PTPRS: variants seen among roughly 807,000 people sequenced by gnomAD.
The protein encoded by PTPRS is receptor-type tyrosine-protein phosphatase S.
A neutral mutation model predicts 215.3 loss-of-function variants in PTPRS; 63 were observed. The ratio of observed to expected loss-of-function variants is 0.29; its 90% CI spans 0.24 to 0.36. PTPRS has a LOEUF of 0.36. PTPRS is among the 10% of genes least tolerant of loss of function. PTPRS has a pLI of 1.00. For synonymous variants in PTPRS, 1,404 were observed against 1,191.4 expected (o/e 1.18, Z -3.68); for missense variants, 2,258 against 2,825.8 (o/e 0.80, Z 4.56).
At chr19:5,300,068 C>G (rs1468716546) in intron 1 of PTPRS, among the ~76,000 whole-genome samples, 2 of 151,476 alleles carry the variant, frequency 1.3e-5, no homozygotes, top group East Asian at 3.9e-4. Context: ...TGGCAAAACC[C>G]CATCTCTACT....
At position 5,206,307 on chromosome 19, in the gene PTPRS, T is replaced by C. The variant is rs1272299401; in HGVS notation, c.*467A>G. 4.4e-6 allele frequency: 1 copy of C among 226,814 alleles called. No homozygotes were observed. The highest frequency in any genetic ancestry group is 8.7e-6 in the Non-Finnish European group (1 of 114,716). 14.1% of individuals were successfully genotyped at this position (226,814 alleles called of 1,614,324 possible). A position where few individuals can be genotyped will look rare whatever the true frequency, so the allele number is the denominator to read the frequency against. The stretch of plus-strand genomic sequence containing the variant: ...TTAAAAAAAATGAAATGTCACGGGA[T>C]ACAGTTACACTGAGAGTTTTAAAAG... On this transcript the variant is annotated 3_prime_UTR_variant, in exon 38 of 38. Coordinates refer to ENST00000262963, the MANE Select transcript of PTPRS (RefSeq NM_002850.4).
In PTPRS at chr19:5,273,525, G is replaced by A. The variant is rs760964676; in HGVS notation, c.296C>T (p.Pro99Leu). ...ACACTCGTACACGTTTTCATCCCGC[G>A]GTGTCCTCAGCGGCTGGATCCTCAG... Reference protein sequence around the residue: ...AVLRIQPLRTPRDENVYECVA... With the variant: ...AVLRIQPLRTLRDENVYECVA... The change falls in exon 4 of 38, where the codon CCG (proline) becomes CTG (leucine). Residue 99 changes from proline to leucine, a missense_variant. By Grantham distance (98) the Pro-to-Leu change is moderately conservative (BLOSUM62 -3). Around this residue, in one of 6 missense-constraint regions of PTPRS, gnomAD observed 508 missense variants for 799.4 expected, o/e 0.64. Transcript: ENST00000262963. 6.2e-7 allele frequency: 1 copy of A among 1,614,134 alleles called. No individual in the cohort carries two copies. Among genetic ancestry groups the A allele is most frequent in the East Asian group, 2.2e-5 (1 of 44,876 alleles).
In PTPRS at chr19:5,339,203, A is replaced by G. The variant is rs2050605883; in HGVS notation, c.-95+1461T>C. On this transcript the variant is annotated intron_variant, in intron 1 of 37. Transcript: ENST00000262963. The surrounding 1 kb of genome is among the most constrained non-coding windows in gnomAD (Gnocchi z 4.2). ...CCCCTAGATTGTGACGGGGGGGGAC[A>G]GGGGAATCCCAGCTGAGCCCAGAAG... 1.3e-5 allele frequency among the ~76,000 whole-genome samples: 2 copies of G among 151,952 alleles called. No individual in the cohort carries two copies. The highest frequency in any genetic ancestry group is 2.9e-5 in the Non-Finnish European group (2 of 67,966).
At chr19:5,319,432 T>TA (rs1422171885) in intron 1 of PTPRS, among the ~76,000 whole-genome samples, 276 of 146,654 alleles carry the variant, frequency 1.9e-3, no homozygotes, top group Non-Finnish European at 3.4e-3. Flanking sequence ...TTTTTTTTTT[T>TA]TAAAAAGCTA....
chr19:5,306,836 T>C (rs933581289), intron 1 of PTPRS, among the ~76,000 whole-genome samples: 3 of 152,170 alleles, frequency 2.0e-5, no homozygotes, highest in African/African-American at 7.2e-5. Context: ...GAGGAGACAA[T>C]TGGCTATTAT....
chr19:5,264,023 T>C (rs1005678376), intron 5 of PTPRS, among the ~76,000 whole-genome samples: 1 of 152,170 alleles, frequency 6.6e-6, no homozygotes, highest in Non-Finnish European at 1.5e-5. Flanking sequence ...AGATGGGCCA[T>C]GTGGGTGCTT....
In PTPRS at chr19:5,238,900, G is replaced by A. The variant is rs765551956; in HGVS notation, c.1849+19C>T. ...CGTGGTCCCTCCCGCAGAGAAGGGC[G>A]GCCCCGCGAGACACCTACTGGACTG... On this transcript the variant is annotated intron_variant, in intron 13 of 37. Transcript: ENST00000262963. The A allele has an allele frequency of 8.9e-6, 14 of 1,571,002 alleles. No homozygotes were observed. The highest frequency in any genetic ancestry group is 2.3e-5 in the South Asian group (2 of 86,612).
chr19:5,225,715 C>G lies in PTPRS; in HGVS notation c.2494+12G>C, dbSNP rs182639537. ...GGGCTGTTGGTGGGTGGGAGGAGGG[C>G]GGGTTGCATACCTGCTCCCTTGGTC... On this transcript the variant is annotated intron_variant, in intron 17 of 37. Transcript: ENST00000262963. The G allele has an allele frequency of 6.2e-7, 1 of 1,603,646 alleles. No individual in the cohort carries two copies. The highest frequency in any genetic ancestry group is 8.5e-7 in the Non-Finnish European group (1 of 1,171,486).
chr19:5,314,632 CT>C (rs2049813357), intron 1 of PTPRS, among the ~76,000 whole-genome samples: 1 of 152,052 alleles, frequency 6.6e-6, no homozygotes, highest in Non-Finnish European at 1.5e-5. Context: ...TCATGTGATC[CT>C]CCTGCCTTGG....
rs908259585 is a variant in PTPRS at position 5,216,765 on chromosome 19, A to C, written c.4051T>G (p.Ser1351Ala). The change falls in exon 26 of 38, where the codon TCA becomes GCA. Residue 1351 changes from serine (S) to alanine (A), a missense_variant and splice_region_variant. By Grantham distance (99) the Ser-to-Ala change is moderately conservative. Around this residue, in one of 6 missense-constraint regions of PTPRS, gnomAD observed 927 missense variants for 1,125.9 expected, o/e 0.82. Transcript: ENST00000262963. ...TCCCTGAGGGGGCTCCTGAGGCCTG[A>C]ATCTGCAAACAGCAAACAATAAATA... ...MRRINFQTPDSGLRSPLREPG... is the reference protein window; with the variant it reads ...MRRINFQTPDAGLRSPLREPG... The C allele has an allele frequency of 1.9e-6, 3 of 1,567,348 alleles. No individual in the cohort carries two copies. The highest frequency in any genetic ancestry group is 2.6e-6 in the Non-Finnish European group (3 of 1,153,710).
At chr19:5,262,185 G>A (rs143159560) in intron 6 of PTPRS, among the ~76,000 whole-genome samples, 2 of 152,176 alleles carry the variant, frequency 1.3e-5, no homozygotes, top group Non-Finnish European at 2.9e-5. Flanking sequence ...TGAGGCAGGA[G>A]AATTGCTTGA....
chr19:5,240,888 CAT>C (rs1491403625), intron 11 of PTPRS, among the ~76,000 whole-genome samples: 16 of 118,842 alleles, frequency 1.3e-4, no homozygotes, highest in African/African-American at 3.7e-4. Context: ...AAATCCCCTT[CAT>C]TTTTTTTTTT....
chr19:5,296,346 A>T (rs1233508286), intron 1 of PTPRS, among the ~76,000 whole-genome samples: 1 of 152,054 alleles, frequency 6.6e-6, no homozygotes, highest in African/African-American at 2.4e-5. Flanking sequence ...AAAAACTTTT[A>T]AAAATTAGCT....
rs903449089 is a variant in PTPRS at position 5,244,859 on chromosome 19, C to T, written c.989-377G>A. ...TAATTTTTTGTATTTTCAGTTGAGA[C>T]GGGTTTCACTGTGTTAGCCAGGATG... On this transcript the variant is annotated intron_variant, in intron 10 of 37. Transcript: ENST00000262963. This position sits in a 1 kb window ranked among gnomAD's most constrained non-coding sequence, Gnocchi z 7.2. 1.3e-5 allele frequency among the ~76,000 whole-genome samples: 2 copies of T among 151,302 alleles called. No homozygotes were observed. The highest frequency in any genetic ancestry group is 1.5e-5 in the Non-Finnish European group (1 of 67,904).
intron 1 of PTPRS, among the ~76,000 whole-genome samples, chr19:5,310,969 T>G (rs1434915397): frequency 6.6e-6 from 1 of 152,114 alleles, no homozygotes; most frequent in African/African-American, 2.4e-5. Flanking sequence ...AACCTCTGCC[T>G]CCCTGGTTCA....
In PTPRS at chr19:5,339,065, T is replaced by C. The variant is rs1457084509; in HGVS notation, c.-95+1599A>G. Among the ~76,000 whole-genome samples, 1 of 152,188 alleles carries C rather than the reference T, an allele frequency of 6.6e-6. No individual in the cohort carries two copies. The highest frequency in any genetic ancestry group is 2.4e-5 in the African/African-American group (1 of 41,454). ...TCCGGCTTCTAGGTATCATCCCTGC[T>C]GCTCAGCCGGGACTCCGACACCTCG... On this transcript the variant is annotated intron_variant, in intron 1 of 37. Coordinates refer to ENST00000262963, the MANE Select transcript of PTPRS (RefSeq NM_002850.4). The surrounding 1 kb of genome is among the most constrained non-coding windows in gnomAD (Gnocchi z 4.2).
chr19:5,248,388 G>GA lies in PTPRS; in HGVS notation c.719-2344dup, dbSNP rs201415806. On this transcript the variant is annotated intron_variant, in intron 9 of 37. Transcript: ENST00000262963. ...AAAACACAACACCCAAAAGCAAGAA[G>GA]AAAAAAAAAAAAATCATGGAATGGG... Among the ~76,000 whole-genome samples the GA allele has an allele frequency of 8.9e-3, 1,287 of 145,370 alleles. 36 individuals carry two copies. The highest frequency in any genetic ancestry group is 0.087 in the East Asian group (432 of 4,970).
chr19:5,238,908 G>T lies in PTPRS; in HGVS notation c.1849+11C>A. ...CTCCCGCAGAGAAGGGCGGCCCCGC[G>T]AGACACCTACTGGACTGCAGCGTGC... is the stretch of plus-strand genomic sequence containing the variant. On this transcript the variant is annotated intron_variant, in intron 13 of 37. Coordinates refer to ENST00000262963, the MANE Select transcript of PTPRS (RefSeq NM_002850.4). 1.3e-6 allele frequency: 2 copies of T among 1,577,498 alleles called. No homozygotes were observed. Among genetic ancestry groups the T allele is most frequent in the Non-Finnish European group, 1.7e-6 (2 of 1,165,618 alleles).
intron 1 of PTPRS, among the ~76,000 whole-genome samples, chr19:5,318,360 A>C (rs779689009): frequency 3.6e-4 from 55 of 151,824 alleles, no homozygotes; most frequent in Non-Finnish European, 6.9e-4. Context: ...AAGAAGAAGA[A>C]GAAATGATGG....
Sources: gnomAD v4.1 joint callset for allele counts (sites outside exome capture counted in the v4.1 genomes callset) on GRCh38, gnomAD v4.1.1 for gene constraint, gnomAD v4.1.1 regional missense constraint, Gnocchi (gnomAD v3.1) non-coding constraint, MANE v1.5 for transcripts, NCBI Gene and HGNC (gene_info 2026-07-23, HGNC 2026-07-21) for gene names.